GUCY2F: variants seen among roughly 807,000 people sequenced by gnomAD.
GUCY2F encodes guanylate cyclase 2F, retinal.
A neutral mutation model predicts 73.1 loss-of-function variants in GUCY2F; 61 were observed. The observed-to-expected ratio is 0.83, with a 90% confidence interval of 0.68 to 1.03. The LOEUF (loss-of-function observed/expected upper bound fraction) is 1.03. Among genes scored for constraint, GUCY2F ranks in the 50% least tolerant of loss-of-function variants. The pLI is 0.00. For synonymous variants in GUCY2F, 331 were observed against 307.8 expected, an observed-to-expected ratio of 1.08 and a Z score of -0.79; for missense variants, 912 against 854.3, an observed-to-expected ratio of 1.07 and a Z score of -0.84.
At chrX:109,399,879 C>A (rs767003457) in intron 10 of GUCY2F, among the ~76,000 whole-genome samples, 15 of 107,964 alleles carry the variant, frequency 1.4e-4, no homozygotes, top group Admixed American at 3.0e-4. Context: ...TGGGGGGATG[C>A]CGGGTGGTGG....
At chrX:109,405,326 G>A (rs1451357971) in intron 9 of GUCY2F, among the ~76,000 whole-genome samples, 1 of 111,547 alleles carries the variant, frequency 9.0e-6, no homozygotes, top group African/African-American at 3.3e-5. Context: ...GAGTAAATGC[G>A]AGTATTTTTC....
Position 109,477,395 on chromosome X carries a change from T to C in GUCY2F, c.-85-1374A>G, listed in dbSNP as rs371232427. 2.5e-4 allele frequency among the ~76,000 whole-genome samples: 28 copies of C among 111,743 alleles called. 1 individual carries two copies. In the South Asian group the frequency reaches 5.3e-3, roughly 21 times the overall value. ...AGACGATGCATTCTGATAGAGATCTTGAATTGGCCAACAAGTGGCAATATC... is the reference window on the plus strand; with the variant it reads ...AGACGATGCATTCTGATAGAGATCTCGAATTGGCCAACAAGTGGCAATATC... On this transcript the variant is annotated intron_variant, in intron 1 of 19. Transcript: ENST00000218006.
At chrX:109,467,024 C>T (rs760941431) in intron 2 of GUCY2F, among the ~76,000 whole-genome samples, 3 of 111,986 alleles carry the variant, frequency 2.7e-5, no homozygotes, top group Non-Finnish European at 3.8e-5. Context: ...AAAATAATTA[C>T]GCTAAGAGGT....
At chrX:109,403,967 C>T (rs1410084757) in intron 10 of GUCY2F, among the ~76,000 whole-genome samples, 1 of 112,178 alleles carries the variant, frequency 8.9e-6, no homozygotes, top group African/African-American at 3.2e-5. Flanking sequence ...CTAAAATGTA[C>T]GTTGTGGGGG....
chrX:109,448,830 G>GT, intron 5 of GUCY2F, among the ~76,000 whole-genome samples: 1 of 112,140 alleles, frequency 8.9e-6, no homozygotes, highest in African/African-American at 3.2e-5. Context: ...GGCTGACTGA[G>GT]TTTTTTTCTT....
chrX:109,445,792 A>G (rs1603384031), intron 6 of GUCY2F, among the ~76,000 whole-genome samples: 1 of 111,743 alleles, frequency 8.9e-6, no homozygotes, highest in South Asian at 3.7e-4. Context: ...GGCAGAAGAA[A>G]GAAATAAAGG....
At chrX:109,383,476 A>AT (rs1169263989) in intron 16 of GUCY2F, 3 of 448,747 alleles carry the variant, frequency 6.7e-6, no homozygotes, top group Non-Finnish European at 8.3e-6. Flanking sequence ...TGATGAAATA[A>AT]TTTTTTTATT....
intron 10 of GUCY2F, among the ~76,000 whole-genome samples, chrX:109,402,708 T>G (rs1930874627): frequency 8.9e-6 from 1 of 111,782 alleles, no homozygotes; most frequent in Non-Finnish European, 1.9e-5. Context: ...GGGGCTAGAA[T>G]TCAGAAAACC....
chrX:109,412,156 A>G (rs1320568370), intron 8 of GUCY2F, among the ~76,000 whole-genome samples: 1 of 112,206 alleles, frequency 8.9e-6, no homozygotes, highest in Non-Finnish European at 1.9e-5. Context: ...ATAGATAGAG[A>G]GATAGGCTTA....
rs200247092 is a variant in GUCY2F, at chrX:109,401,430, A to G, written c.2126-2732T>C. Among the ~76,000 whole-genome samples the G allele has an allele frequency of 8.0e-5, 9 of 112,194 alleles. No individual in the cohort carries two copies. In the East Asian group the frequency reaches 2.5e-3, roughly 32 times the overall value. On this transcript the variant is annotated intron_variant, in intron 10 of 19. Transcript: ENST00000218006. ...TACCTTTCTGAACCTTGGCTTCCCTATCTATAAAATGGAAGTTGGGTCAGA... is the reference window on the plus strand; with the variant it reads ...TACCTTTCTGAACCTTGGCTTCCCTGTCTATAAAATGGAAGTTGGGTCAGA...
At chrX:109,480,229 A>G (rs1026794153) in intron 1 of GUCY2F, among the ~76,000 whole-genome samples, 2 of 111,496 alleles carry the variant, frequency 1.8e-5, no homozygotes, top group African/African-American at 6.5e-5. Context: ...CCTCTCGTTA[A>G]TGGAGAGAAA....
intron 6 of GUCY2F, among the ~76,000 whole-genome samples, chrX:109,445,586 T>A (rs972885664): frequency 3.6e-5 from 4 of 111,992 alleles, no homozygotes; most frequent in African/African-American, 1.3e-4. Context: ...GTGGATAAGC[T>A]TTTTGATGTG....
intron 9 of GUCY2F, among the ~76,000 whole-genome samples, chrX:109,407,345 C>A (rs193230110): frequency 8.9e-6 from 1 of 112,780 alleles, no homozygotes; most frequent in East Asian, 2.8e-4. Flanking sequence ...TTCTAAGCAG[C>A]AAAGCATTCA....
chrX:109,465,544 T>G, intron 2 of GUCY2F, 101 bp from the exon 3 acceptor site: 1 of 610,678 alleles, frequency 1.6e-6, no homozygotes, highest in Middle Eastern at 3.6e-4. Context: ...AACCAATTTG[T>G]AAGTGGTTTC....
At chrX:109,432,049 ACCAG>A (rs1161200967) in intron 7 of GUCY2F, among the ~76,000 whole-genome samples, 1 of 111,859 alleles carries the variant, frequency 8.9e-6, no homozygotes, top group East Asian at 2.8e-4. Context: ...TGGTCCCTGG[ACCAG>A]CTGCATCAGC....
chrX:109,472,916 C>G (rs1006835778), intron 2 of GUCY2F, among the ~76,000 whole-genome samples: 2 of 111,560 alleles, frequency 1.8e-5, no homozygotes, highest in Admixed American at 9.5e-5. Flanking sequence ...CACACCTCAC[C>G]CACCAGTTGG....
chrX:109,453,883 C>A, intron 3 of GUCY2F, 24 bp from the exon 4 acceptor site: 1 of 948,990 alleles, frequency 1.1e-6, no homozygotes, highest in Non-Finnish European at 1.5e-6. Flanking sequence ...TTACAATTAT[C>A]TTGAGCCCTG....
rs1314270234 is a variant in GUCY2F at position 109,385,190 on chromosome X, C to T, written c.3049G>A (p.Gly1017Ser). 2.6e-6 allele frequency: 3 copies of T among 1,133,641 alleles called. No individual in the cohort carries two copies. The highest frequency in any genetic ancestry group is 2.2e-5 in the Admixed American group (1 of 45,457). 93.4% of individuals were successfully genotyped at this position (1,133,641 alleles called of 1,213,427 possible). Residue 1017 changes from glycine (G) to serine (S), a missense_variant, in exon 16 of 20, where the codon GGC (glycine) becomes AGC (serine). By Grantham distance (56) the Gly-to-Ser change is moderately conservative (BLOSUM62 0). Transcript: ENST00000218006. ...VNTASRMEST[G>S]LPYRIHVSLS... The stretch of plus-strand genomic sequence containing the variant: ...CTCTCTATTAGGTACTCACGTAAGC[C>T]TGTAGATTCCATCCGAGAAGCTGTG...
At chrX:109,402,349 A>T (rs1930860998) in intron 10 of GUCY2F, among the ~76,000 whole-genome samples, 1 of 109,395 alleles carries the variant, frequency 9.1e-6, no homozygotes, top group African/African-American at 3.4e-5. Flanking sequence ...TGGAAATTAA[A>T]TGGAACTCTG....
Sources: allele counts gnomAD v4.1 joint callset (sites outside exome capture counted in the v4.1 genomes callset), GRCh38; gene constraint gnomAD v4.1.1; transcripts MANE v1.5; gene names NCBI Gene and HGNC (gene_info 2026-07-23, HGNC 2026-07-21).